Variants in CNGB3 observed in about 807,000 individuals in gnomAD.
CNGB3 encodes cyclic nucleotide-gated channel beta-3.
In CNGB3, 86 loss-of-function variants were observed where a neutral mutation model predicts 92.8. The observed-to-expected ratio is 0.93, with a 90% confidence interval of 0.78 to 1.11. The LOEUF (loss-of-function observed/expected upper bound fraction) is 1.11, where lower values mean the gene tolerates loss of function less well. Ranked by LOEUF, CNGB3 falls within the 50% of genes least tolerant of loss-of-function variation. The pLI is 0.00. For missense variants in CNGB3, 1,026 were observed against 956.8 expected (o/e 1.07, Z -0.95); for synonymous variants, 333 against 332.7 (o/e 1.00, Z -0.01).
intron 1 of CNGB3, among the ~76,000 whole-genome samples, chr8:86,742,200 G>A (rs1276533216): frequency 6.6e-6 from 1 of 152,194 alleles, no homozygotes; most frequent in Non-Finnish European, 1.5e-5. Context: ...AATAATCACA[G>A]TAGGCAAGGG....
intron 13 of CNGB3, among the ~76,000 whole-genome samples, chr8:86,614,383 T>A (rs1160244274): frequency 6.6e-6 from 1 of 152,046 alleles, no homozygotes; most frequent in African/African-American, 2.4e-5. Flanking sequence ...ACCAACCTGT[T>A]AGAACTTCCC....
At chr8:86,714,640 G>T (rs549242310) in intron 3 of CNGB3, among the ~76,000 whole-genome samples, 9 of 152,244 alleles carry the variant, frequency 5.9e-5, no homozygotes, top group South Asian at 2.1e-4. Flanking sequence ...AAAACTGAGA[G>T]AATCCACAGA....
In CNGB3 at chr8:86,691,554, C is replaced by T. The variant is rs191094127; in HGVS notation, c.339-20456G>A. ...ACCTTAAGTTATGGCCCTTCTATGCCGATTGCTATCAGTTGTAGTATCTCC... is the reference window on the plus strand; with the variant it reads ...ACCTTAAGTTATGGCCCTTCTATGCTGATTGCTATCAGTTGTAGTATCTCC... On this transcript the variant is annotated intron_variant, in intron 3 of 17. Transcript: ENST00000320005. 3.6e-3 allele frequency among the ~76,000 whole-genome samples: 549 copies of T among 152,156 alleles called. 3 individuals carry two copies. The highest frequency in any genetic ancestry group is 0.012 in the African/African-American group (512 of 41,542).
chr8:86,681,072 T>C (rs1051336476), intron 3 of CNGB3, among the ~76,000 whole-genome samples: 2 of 151,948 alleles, frequency 1.3e-5, no homozygotes, highest in African/African-American at 4.8e-5. Context: ...AAACACCAAA[T>C]TACCAAGCGA....
At chr8:86,616,651 C>T (rs566705513) in intron 13 of CNGB3, among the ~76,000 whole-genome samples, 8 of 152,074 alleles carry the variant, frequency 5.3e-5, no homozygotes, top group Non-Finnish European at 1.2e-4. Flanking sequence ...GTGAGAGTAA[C>T]TGAGAAAGTA....
In CNGB3 at chr8:86,575,632, T is replaced by G. The variant is rs1821642611; in HGVS notation, c.*172A>C. The G allele has an allele frequency of 3.6e-6, 2 of 561,538 alleles. No individual in the cohort carries two copies. Among genetic ancestry groups the G allele is most frequent in the Non-Finnish European group, 6.2e-6 (2 of 320,098 alleles). 34.8% of individuals were successfully genotyped at this position (561,538 alleles called of 1,614,324 possible). A position where few individuals can be genotyped will look rare whatever the true frequency, so the allele number is the denominator to read the frequency against. On this transcript the variant is annotated 3_prime_UTR_variant, in exon 18 of 18. Transcript: ENST00000320005. ...GGGATGGCTTTTAATAATCTTCTTA[T>G]TACCACTGCATGAAATCACACTCTC...
intron 13 of CNGB3, among the ~76,000 whole-genome samples, chr8:86,614,594 C>T (rs936840124): frequency 6.6e-6 from 1 of 152,142 alleles, no homozygotes; most frequent in African/African-American, 2.4e-5. Context: ...TTCTGTGTCT[C>T]GCCTGACTGA....
At chr8:86,722,931 G>A (rs1175992323) in intron 3 of CNGB3, among the ~76,000 whole-genome samples, 2 of 152,154 alleles carry the variant, frequency 1.3e-5, no homozygotes, top group African/African-American at 2.4e-5. Flanking sequence ...TGCAGATCTT[G>A]GGACTCTCAG....
At chr8:86,669,938 C>A (rs1313305710) in intron 4 of CNGB3, among the ~76,000 whole-genome samples, 1 of 152,008 alleles carries the variant, frequency 6.6e-6, no homozygotes, top group African/African-American at 2.4e-5. Context: ...GCAACCTCTG[C>A]CTCCTGGGTT....
At chr8:86,718,390 C>T (rs1237453490) in intron 3 of CNGB3, among the ~76,000 whole-genome samples, 3 of 152,002 alleles carry the variant, frequency 2.0e-5, no homozygotes, top group Non-Finnish European at 4.4e-5. Context: ...CTATGAACAC[C>T]TTTACACACA....
At chr8:86,658,166 C>T (rs1823553338) in intron 6 of CNGB3, 13 of 538,854 alleles carry the variant, frequency 2.4e-5, no homozygotes, top group South Asian at 2.3e-4. Context: ...TGGACTGAGG[C>T]CACCAGGTGA....
intron 6 of CNGB3, chr8:86,661,153 A>T: frequency 4.4e-6 from 1 of 229,854 alleles, no homozygotes; most frequent in Non-Finnish European, 8.7e-6. Context: ...CTTTAGGACG[A>T]CAACCCAGTT....
At chr8:86,638,438 G>A (rs1305723022) in intron 10 of CNGB3, among the ~76,000 whole-genome samples, 2 of 152,030 alleles carry the variant, frequency 1.3e-5, no homozygotes, top group African/African-American at 4.8e-5. Context: ...CAGCCATTGT[G>A]GTAAATCTGT....
intron 3 of CNGB3, among the ~76,000 whole-genome samples, chr8:86,686,727 A>G (rs1225217982): frequency 6.6e-6 from 1 of 152,024 alleles, no homozygotes; most frequent in Non-Finnish European, 1.5e-5. Context: ...CTTTTGACTC[A>G]GGTGATAAGG....
chr8:86,735,758 C>G (rs577503578), intron 2 of CNGB3, among the ~76,000 whole-genome samples: 3 of 152,166 alleles, frequency 2.0e-5, no homozygotes, highest in South Asian at 4.1e-4. Flanking sequence ...ATTGCAAGAT[C>G]CTTAGTAACA....
intron 15 of CNGB3, among the ~76,000 whole-genome samples, chr8:86,601,443 T>C (rs1301653011): frequency 6.6e-6 from 1 of 152,178 alleles, no homozygotes; most frequent in East Asian, 1.9e-4. Context: ...GACAGGCTAT[T>C]AATCTATATT....
At chr8:86,696,126 G>A (rs1324452525) in intron 3 of CNGB3, among the ~76,000 whole-genome samples, 1 of 152,174 alleles carries the variant, frequency 6.6e-6, no homozygotes, top group Non-Finnish European at 1.5e-5. Flanking sequence ...TTGAATGCTG[G>A]TTATGCTAGC....
chr8:86,715,548 G>A lies in CNGB3; in HGVS notation c.338+10983C>T, dbSNP rs116823585. 8.5e-3 allele frequency among the ~76,000 whole-genome samples: 1,288 copies of A among 152,132 alleles called. 16 individuals carry two copies. Among genetic ancestry groups the A allele is most frequent in the African/African-American group, 0.029 (1,221 of 41,508 alleles). ...ATGGTACAAAAGAATCTGAACAGCA[G>A]CCCTTGGATCCCAGATCTTCCCTCT... On this transcript the variant is annotated intron_variant, in intron 3 of 17. Transcript: ENST00000320005.
chr8:86,663,136 T>C (rs1206214011), intron 6 of CNGB3, among the ~76,000 whole-genome samples: 1 of 152,134 alleles, frequency 6.6e-6, no homozygotes, highest in Non-Finnish European at 1.5e-5. Context: ...TTTCTTCAGA[T>C]TGGTTTATAA....
Sources: allele counts gnomAD v4.1 joint callset (sites outside exome capture counted in the v4.1 genomes callset), GRCh38; gene constraint gnomAD v4.1.1; transcripts MANE v1.5; gene names NCBI Gene and HGNC (gene_info 2026-07-23, HGNC 2026-07-21).